The following MPI variants were observed in gnomAD, a reference collection of about 807,000 sequenced individuals.
The protein encoded by MPI is mannose phosphate isomerase.
Under a neutral mutation model 40.1 loss-of-function variants are expected in MPI, and 33 were observed. The observed-to-expected ratio is 0.82, with a 90% CI of 0.62 to 1.10. The LOEUF is 1.10. MPI is among the 50% of genes least tolerant of loss of function. MPI has a pLI of 0.00. For missense variants in MPI, 514 were observed against 524.1 expected (o/e 0.98, Z 0.19); for synonymous variants, 187 against 207.4 (o/e 0.90, Z 0.85).
Position 74,890,087 on chromosome 15 carries a change from G to T in MPI, c.14G>T (p.Arg5Leu), listed in dbSNP as rs759385120. The part of the protein sequence containing the change: MAAP[R>L]VFPLSCAVQQ... ...CAGGGGGCGAGCATGGCCGCTCCGC[G>T]AGGTGAGCCATTGGCTGGGGTGTCG... The change falls in exon 1 of 8, where the codon CGA becomes CTA. Residue 5 changes from arginine (R) to leucine (L), a missense_variant and splice_region_variant. Transcript: ENST00000352410. The T allele has an allele frequency of 8.1e-6, 13 of 1,608,070 alleles. No individual in the cohort carries two copies. Among genetic ancestry groups the T allele is most frequent in the Middle Eastern group, 1.7e-4 (1 of 5,978 alleles).
At chr15:74,894,202 G>A (rs1228366757) in intron 5 of MPI, among the ~76,000 whole-genome samples, 1 of 135,334 alleles carries the variant, frequency 7.4e-6, no homozygotes. Context: ...TCCTGCTTCA[G>A]CCTCCTGAGT....
chr15:74,893,223 C>T lies in MPI; in HGVS notation c.573C>T (p.Ala191=), dbSNP rs200903491. The change falls in exon 5 of 8, where the codon GCC becomes GCT. Residue 191 remains alanine, a synonymous_variant. Coordinates refer to ENST00000352410, the MANE Select transcript of MPI (RefSeq NM_002435.3). ...QTMSHDSQAV[A]SSLQSCFSHL... is the part of the protein sequence containing the mutation. ...TGAGCCATGACTCCCAGGCTGTGGC[C>T]TCCTCTCTGCAGAGCTGTTTCTCCC... 747 of 1,614,090 alleles carry T rather than the reference C, an allele frequency of 4.6e-4. 2 individuals carry two copies. The highest frequency in any genetic ancestry group is 6.0e-4 in the Non-Finnish European group (707 of 1,180,048).
In MPI at chr15:74,896,323, G is replaced by A. The variant is rs758352713; in HGVS notation, c.842G>A (p.Gly281Glu). ...EANVPHAYLKGDCVECMACSD... is the reference protein window; with the variant it reads ...EANVPHAYLKEDCVECMACSD... ...AACGTACCCCATGCCTACCTGAAAG[G>A]AGGTGAGCCACATTTCAGCAGTGAG... The change falls in exon 6 of 8, where the codon GGA (glycine) becomes GAA (glutamate). Residue 281 changes from glycine to glutamate, a missense_variant and splice_region_variant. Coordinates refer to ENST00000352410, the MANE Select transcript of MPI (RefSeq NM_002435.3). 1.9e-6 allele frequency: 3 copies of A among 1,613,984 alleles called. No homozygotes were observed. Among genetic ancestry groups the A allele is most frequent in the African/African-American group, 2.7e-5 (2 of 74,914 alleles).
At chr15:74,895,767 G>A (rs540694577) in intron 5 of MPI, 1 of 201,906 alleles carries the variant, frequency 5.0e-6, no homozygotes, top group Admixed American at 5.3e-5. Context: ...GTGGCATCTT[G>A]TGGGTGGAGG....
intron 5 of MPI, among the ~76,000 whole-genome samples, chr15:74,894,503 A>G (rs1048888754): frequency 1.3e-5 from 2 of 152,010 alleles, no homozygotes; most frequent in African/African-American, 4.8e-5. Flanking sequence ...CAGCCTGGCC[A>G]ACATGGTGGA....
Position 74,897,111 on chromosome 15 carries a change from C to T in MPI, c.945C>T (p.Thr315=), listed in dbSNP as rs2064829924. The T allele has an allele frequency of 6.2e-7, 1 of 1,614,114 alleles. No homozygotes were observed. The stretch of plus-strand genomic sequence containing the variant: ...CCCTGTGTGAAATGCTCAGCTATAC[C>T]CCTAGCTCCAGCAAGGACAGGCTCT... ...VPTLCEMLSY[T]PSSSKDRLFL... The change falls in exon 7 of 8, where the codon ACC becomes ACT. Residue 315 remains threonine (T), a synonymous_variant. Coordinates refer to ENST00000352410, the MANE Select transcript of MPI (RefSeq NM_002435.3).
In MPI at chr15:74,891,608, A is replaced by G. The variant is rs1596442380; in HGVS notation, c.345+29A>G. ...AAGGACAGAGTGCGGTGCAGAGGTC[A>G]GGGTACAGAAGGGCTTATGCTAAGG... On this transcript the variant is annotated intron_variant, in intron 3 of 7. Coordinates refer to ENST00000352410, the MANE Select transcript of MPI (RefSeq NM_002435.3). The G allele has an allele frequency of 1.9e-6, 3 of 1,607,122 alleles. No individual in the cohort carries two copies. In the East Asian group the frequency reaches 6.7e-5, roughly 36 times the overall value.
chr15:74,893,342 G>C (rs751066419), intron 5 of MPI, 22 bp downstream of exon 5: 6 of 1,613,876 alleles, frequency 3.7e-6, no homozygotes, highest in Non-Finnish European at 5.1e-6. Flanking sequence ...TATATTCCTG[G>C]TTGGGTGCAA....
Position 74,897,790 on chromosome 15 carries a change from T to G in MPI, c.*60T>G. The G allele has an allele frequency of 1.3e-6, 2 of 1,522,094 alleles. No individual in the cohort carries two copies. Among genetic ancestry groups the G allele is most frequent in the Non-Finnish European group, 1.8e-6 (2 of 1,100,578 alleles). 94.3% of individuals were successfully genotyped at this position (1,522,094 alleles called of 1,614,324 possible). ...ACCCTAAATTCCAGCCAACCTCACC[T>G]CCTCGGGCCCAGCTCAAGCCCCCTT... is the stretch of plus-strand genomic sequence containing the variant. On this transcript the variant is annotated 3_prime_UTR_variant, in exon 8 of 8. Transcript: ENST00000352410.
At position 74,901,966 on chromosome 15, in the gene MPI, G is replaced by A; in HGVS notation, c.*4236G>A. Reference sequence around the variant, plus strand: ...TAAACTCACCCGGACGGTTGGACCAGTTGGGGATGCCCCAGGTCCAGGGAT... The same window carrying A: ...TAAACTCACCCGGACGGTTGGACCAATTGGGGATGCCCCAGGTCCAGGGAT... On this transcript the variant is annotated 3_prime_UTR_variant, in exon 8 of 8. Transcript: ENST00000352410. 5.0e-6 allele frequency: 2 copies of A among 397,062 alleles called. No homozygotes were observed. The highest frequency in any genetic ancestry group is 8.9e-6 in the Non-Finnish European group (2 of 225,578). 24.6% of individuals were successfully genotyped at this position (397,062 alleles called of 1,614,324 possible). A position where few individuals can be genotyped will look rare whatever the true frequency, so the allele number is the denominator to read the frequency against.
chr15:74,896,030 G>A, intron 5 of MPI, 122 bp from the exon 6 acceptor site: 2 of 1,185,736 alleles, frequency 1.7e-6, no homozygotes, highest in Non-Finnish European at 2.5e-6. Context: ...GAAGGACAGG[G>A]CCACTTTGGC....
intron 2 of MPI, chr15:74,891,116 GGACA>G (rs1312345271): frequency 3.5e-5 from 21 of 598,736 alleles, no homozygotes; most frequent in Non-Finnish European, 1.2e-5. Flanking sequence ...TCTCCTCTTT[GGACA>G]GACAAAGAAG....
chr15:74,896,569 C>G lies in MPI; in HGVS notation c.844+244C>G. ...ATGCTACTCTGATTTTAAGTCCTGC[C>G]AGTCAGTGTGGGAACCACAATTTGA... On this transcript the variant is annotated intron_variant, in intron 6 of 7. Coordinates refer to ENST00000352410, the MANE Select transcript of MPI (RefSeq NM_002435.3). 2 of 664,344 alleles carry G rather than the reference C, an allele frequency of 3.0e-6. 1 individual carries two copies. Among genetic ancestry groups the G allele is most frequent in the Middle Eastern group, 4.8e-4 (2 of 4,140 alleles). The allele number at this position is 664,344 out of a possible 1,614,324, so 41.2% of individuals were successfully genotyped here. A position where few individuals can be genotyped will look rare whatever the true frequency, so the allele number is the denominator to read the frequency against.
chr15:74,896,541 G>A (rs1448564572), intron 6 of MPI: 7 of 693,408 alleles, frequency 1.0e-5, no homozygotes, highest in South Asian at 7.6e-5. Context: ...ACCCTGTGAT[G>A]CCATGCTACT....
At chr15:74,891,134 C>A in intron 2 of MPI, 1 of 612,534 alleles carries the variant, frequency 1.6e-6, no homozygotes, top group South Asian at 1.7e-5. Flanking sequence ...AAAGAAGATA[C>A]ATCTAAAGAA....
In MPI at chr15:74,901,434, G is replaced by C. The variant is rs2064953930; in HGVS notation, c.*3704G>C. On this transcript the variant is annotated 3_prime_UTR_variant, in exon 8 of 8. Coordinates refer to ENST00000352410, the MANE Select transcript of MPI (RefSeq NM_002435.3). ...GAAATTATGCCTATTTCTGCTGTTT[G>C]GGCTGGGGGCTGAAAGAGGCTGTGT... The C allele has an allele frequency of 1.3e-5, 2 of 152,194 alleles. No individual in the cohort carries two copies. Among genetic ancestry groups the C allele is most frequent in the Admixed American group, 1.3e-4 (2 of 15,268 alleles). The allele number at this position is 152,194 out of a possible 1,614,324, so 9.4% of individuals were successfully genotyped here. A position where few individuals can be genotyped will look rare whatever the true frequency, so the allele number is the denominator to read the frequency against.
rs1244294313 is a variant in MPI at position 74,899,959 on chromosome 15, T to A, written c.*2229T>A. On this transcript the variant is annotated 3_prime_UTR_variant, in exon 8 of 8. Coordinates refer to ENST00000352410, the MANE Select transcript of MPI (RefSeq NM_002435.3). Reference sequence around the variant, plus strand: ...GAGCCATTGTGCCTGGCCAAGGCCTTTAAAATCCACTGCAACACAGACACA... The same window carrying A: ...GAGCCATTGTGCCTGGCCAAGGCCTATAAAATCCACTGCAACACAGACACA... The A allele has an allele frequency of 6.6e-6, 1 of 152,254 alleles. No individual in the cohort carries two copies. The highest frequency in any genetic ancestry group is 1.5e-5 in the Non-Finnish European group (1 of 68,048). 9.4% of individuals were successfully genotyped at this position (152,254 alleles called of 1,614,324 possible).
intron 5 of MPI, 78 bp from the exon 6 acceptor site, chr15:74,896,074 G>A: frequency 6.4e-7 from 1 of 1,559,330 alleles, no homozygotes; most frequent in Non-Finnish European, 8.8e-7. Context: ...CTTTTCCTAG[G>A]ACTCCCTGGC....
At position 74,892,461 on chromosome 15, in the gene MPI, C is replaced by T. The variant is rs139846220; in HGVS notation, c.346-200C>T. ...TTTTCCCTGATTTGCCCCGGGGTTG[C>T]CCCTGATTTGCCCCTGCCCTGGGTT... is the stretch of plus-strand genomic sequence containing the variant. On this transcript the variant is annotated intron_variant, in intron 3 of 7. Transcript: ENST00000352410. 3.8e-3 allele frequency among the ~76,000 whole-genome samples: 583 copies of T among 152,304 alleles called. 6 individuals are homozygous for T. Among genetic ancestry groups the T allele is most frequent in the South Asian group, 5.0e-3 (24 of 4,830 alleles).
Sources: allele counts gnomAD v4.1 joint callset (sites outside exome capture counted in the v4.1 genomes callset), GRCh38; gene constraint gnomAD v4.1.1; transcripts MANE v1.5; gene names NCBI Gene and HGNC (gene_info 2026-07-23, HGNC 2026-07-21).